FAF1: variants seen among roughly 807,000 people sequenced by gnomAD.
The protein encoded by FAF1 is FAS-associated factor 1.
A neutral mutation model predicts 92.5 loss-of-function variants in FAF1; 25 were observed. The ratio of observed to expected loss-of-function variants is 0.27; its 90% CI spans 0.20 to 0.38. The LOEUF is 0.38. FAF1 is among the 10% of genes least tolerant of loss of function. The pLI is 1.00. For missense variants in FAF1, 636 were observed against 793.3 expected (o/e 0.80, Z 2.38); for synonymous variants, 234 against 273.2 (o/e 0.86, Z 1.42).
chr1:50,834,657 C>G (rs903750434), intron 2 of FAF1, among the ~76,000 whole-genome samples: 16 of 152,128 alleles, frequency 1.1e-4, no homozygotes, highest in African/African-American at 3.9e-4. Flanking sequence ...ATATAAAAGT[C>G]ACAACAACCT....
At chr1:50,621,109 T>C (rs1385876316) in intron 8 of FAF1, among the ~76,000 whole-genome samples, 2 of 152,236 alleles carry the variant, frequency 1.3e-5, no homozygotes, top group African/African-American at 4.8e-5. Context: ...GTCTTAGATC[T>C]TGGCTCCATA....
chr1:50,700,197 C>T (rs1222919677), intron 7 of FAF1, among the ~76,000 whole-genome samples: 1 of 150,566 alleles, frequency 6.6e-6, no homozygotes, highest in Non-Finnish European at 1.5e-5. Flanking sequence ...TTCTCTTTCT[C>T]ATTGCTACAG....
chr1:50,853,940 C>T (rs1644371697), intron 2 of FAF1, among the ~76,000 whole-genome samples: 1 of 151,926 alleles, frequency 6.6e-6, no homozygotes, highest in Non-Finnish European at 1.5e-5. Context: ...AAAATAGATC[C>T]TTCAGAAATA....
intron 18 of FAF1, among the ~76,000 whole-genome samples, chr1:50,464,104 C>A (rs987857045): frequency 1.8e-4 from 28 of 152,192 alleles, no homozygotes; most frequent in African/African-American, 5.1e-4. Flanking sequence ...TAAAGCCTCA[C>A]ATGTCTTGAA....
chr1:50,653,621 T>C (rs1173657877), intron 8 of FAF1, among the ~76,000 whole-genome samples: 1 of 151,830 alleles, frequency 6.6e-6, no homozygotes, highest in Admixed American at 6.6e-5. Flanking sequence ...ATCTCAGCAC[T>C]TTGGGAGGCC....
At chr1:50,741,555 A>C (rs1476111580) in intron 5 of FAF1, among the ~76,000 whole-genome samples, 5 of 152,250 alleles carry the variant, frequency 3.3e-5, no homozygotes, top group Non-Finnish European at 7.3e-5. Flanking sequence ...AGAAACACTG[A>C]AAGGAAGCTG....
chr1:50,651,387 C>A (rs1654857388), intron 8 of FAF1, among the ~76,000 whole-genome samples: 1 of 152,120 alleles, frequency 6.6e-6, no homozygotes, highest in African/African-American at 2.4e-5. Flanking sequence ...ACCTTTACCA[C>A]AATCTAATTT....
At chr1:50,638,445 C>CTTTTTTTTTTT (rs35054798) in intron 8 of FAF1, among the ~76,000 whole-genome samples, 2 of 131,618 alleles carry the variant, frequency 1.5e-5, no homozygotes, top group Non-Finnish European at 1.6e-5. Flanking sequence ...TTTTCTTTTT[C>CTTTTTTTTTTT]TTTTTTTTTT....
chr1:50,473,172 A>C (rs1458841042), intron 18 of FAF1, among the ~76,000 whole-genome samples: 1 of 152,112 alleles, frequency 6.6e-6, no homozygotes, highest in African/African-American at 2.4e-5. Context: ...ATTTCACATC[A>C]CATTTCCCCA....
At chr1:50,861,368 A>G in intron 1 of FAF1, among the ~76,000 whole-genome samples, 1 of 151,882 alleles carries the variant, frequency 6.6e-6, no homozygotes, top group East Asian at 1.9e-4. Flanking sequence ...AGATGAGGTT[A>G]TGAAGGTAGA....
chr1:50,443,892 G>A (rs1016689615), intron 18 of FAF1, among the ~76,000 whole-genome samples: 5 of 151,902 alleles, frequency 3.3e-5, no homozygotes, highest in Non-Finnish European at 7.4e-5. Flanking sequence ...TCTTCCCCAC[G>A]GCCCAGCAAG....
At chr1:50,940,450 A>T (rs567683691) in intron 1 of FAF1, among the ~76,000 whole-genome samples, 26 of 152,164 alleles carry the variant, frequency 1.7e-4, no homozygotes, top group Non-Finnish European at 3.5e-4. Context: ...TTTTGTAGAG[A>T]TGAGGTCTCA....
chr1:50,952,453 C>T (rs1316759420), intron 1 of FAF1, among the ~76,000 whole-genome samples: 4 of 152,194 alleles, frequency 2.6e-5, no homozygotes, highest in Non-Finnish European at 4.4e-5. Context: ...GATCTCGGCT[C>T]GCTACAACCT....
chr1:50,719,471 T>C (rs1658319082), intron 6 of FAF1, among the ~76,000 whole-genome samples: 1 of 152,254 alleles, frequency 6.6e-6, no homozygotes. Flanking sequence ...ACATAATTTC[T>C]AATAACATTT....
intron 4 of FAF1, among the ~76,000 whole-genome samples, chr1:50,751,016 GCTTTTT>G (rs1659843949): frequency 7.2e-6 from 1 of 139,088 alleles, no homozygotes. Flanking sequence ...ATTGTCAAAT[GCTTTTT>G]CTTATTTACT....
intron 13 of FAF1, among the ~76,000 whole-genome samples, chr1:50,551,497 G>A (rs1419351951): frequency 6.6e-6 from 1 of 152,128 alleles, no homozygotes; most frequent in Non-Finnish European, 1.5e-5. Context: ...AAAATGTACA[G>A]ACCAGTAAAC....
At chr1:50,762,769 A>G (rs981585304) in intron 4 of FAF1, among the ~76,000 whole-genome samples, 4 of 152,106 alleles carry the variant, frequency 2.6e-5, no homozygotes, top group African/African-American at 9.7e-5. Flanking sequence ...CATTCAGGAC[A>G]TAGGCATGGG....
intron 7 of FAF1, among the ~76,000 whole-genome samples, chr1:50,677,274 A>G (rs1224230763): frequency 6.6e-6 from 1 of 152,208 alleles, no homozygotes; most frequent in African/African-American, 2.4e-5. Context: ...ATATTCTAAC[A>G]TGCCTGCTCA....
At chr1:50,907,236 G>C (rs1644847399) in intron 1 of FAF1, among the ~76,000 whole-genome samples, 1 of 152,180 alleles carries the variant, frequency 6.6e-6, no homozygotes, top group African/African-American at 2.4e-5. Flanking sequence ...AAGACAACTT[G>C]ATCGTGGTGT....
Sources: gnomAD v4.1 joint callset for allele counts (sites outside exome capture counted in the v4.1 genomes callset) on GRCh38, gnomAD v4.1.1 for gene constraint, MANE v1.5 for transcripts, NCBI Gene and HGNC (gene_info 2026-07-23, HGNC 2026-07-21) for gene names.